Variants in RB1 observed in about 807,000 individuals in gnomAD.
The protein encoded by RB1 is RB transcriptional corepressor 1.
Under a neutral mutation model 135.4 loss-of-function variants are expected in RB1, and 18 were observed. The ratio of observed to expected loss-of-function variants is 0.13; its 90% CI spans 0.09 to 0.20. The LOEUF (loss-of-function observed/expected upper bound fraction) is 0.20, where lower values mean the gene tolerates loss of function less well. Ranked by LOEUF, RB1 falls within the 10% of genes least tolerant of loss-of-function variation. The probability of loss-of-function intolerance (pLI) is 1.00; values close to 1 mark genes in which losing one functional copy is unlikely to be tolerated. For synonymous variants in RB1, 365 were observed against 373.2 expected, an observed-to-expected ratio of 0.98 and a Z score of 0.25; for missense variants, 868 against 1,110.0, an observed-to-expected ratio of 0.78 and a Z score of 3.10.
At chr13:48,383,947 C>T (rs986363038) in intron 17 of RB1, among the ~76,000 whole-genome samples, 5 of 151,868 alleles carry the variant, frequency 3.3e-5, no homozygotes, top group African/African-American at 1.2e-4. Flanking sequence ...ATTGAACATA[C>T]GCCATATGCC....
rs149557568 is a variant in RB1 at position 48,395,218 on chromosome 13, G to T, written c.1695+13775G>T. Among the ~76,000 whole-genome samples the T allele has an allele frequency of 5.5e-3, 843 of 152,200 alleles. 5 individuals are homozygous for T. The highest frequency in any genetic ancestry group is 0.01 in the Middle Eastern group (3 of 294). ...TAGCATCAACATCAACAAAAAGGACGTCCACACAGAAACCCCATTTGAAGG... is the reference window on the plus strand; with the variant it reads ...TAGCATCAACATCAACAAAAAGGACTTCCACACAGAAACCCCATTTGAAGG... On this transcript the variant is annotated intron_variant, in intron 17 of 26. Coordinates refer to ENST00000267163, the MANE Select transcript of RB1 (RefSeq NM_000321.3).
At chr13:48,352,829 T>C (rs1279321223) in intron 6 of RB1, among the ~76,000 whole-genome samples, 3 of 152,168 alleles carry the variant, frequency 2.0e-5, no homozygotes, top group Admixed American at 6.6e-5. Context: ...TCTCTTCCTA[T>C]TTGGATGCCC....
At chr13:48,419,474 G>A (rs1487584664) in intron 17 of RB1, among the ~76,000 whole-genome samples, 1 of 152,124 alleles carries the variant, frequency 6.6e-6, no homozygotes, top group African/African-American at 2.4e-5. Flanking sequence ...ACAATTAAAA[G>A]AACTAGAGAA....
intron 2 of RB1, among the ~76,000 whole-genome samples, chr13:48,328,957 AT>A (rs5803429): frequency 0.92 from 140,420 of 152,034 alleles, 65,439 homozygotes; most frequent in East Asian, 1. Flanking sequence ...TCAGTGAAGT[AT>A]TTTTTTCCTT....
chr13:48,462,179 A>G (rs541743380), intron 20 of RB1, among the ~76,000 whole-genome samples: 138 of 150,630 alleles, frequency 9.2e-4, no homozygotes, highest in African/African-American at 3.2e-3. Flanking sequence ...GCTGGAGTGC[A>G]GTGACATGAT....
intron 2 of RB1, among the ~76,000 whole-genome samples, chr13:48,321,065 C>T (rs77631359): frequency 6.6e-6 from 1 of 152,038 alleles, no homozygotes; most frequent in Non-Finnish European, 1.5e-5. Context: ...TTTATCACTC[C>T]GACGCATCCT....
At chr13:48,465,616 C>A (rs944396520) in intron 23 of RB1, among the ~76,000 whole-genome samples, 1 of 151,908 alleles carries the variant, frequency 6.6e-6, no homozygotes, top group Non-Finnish European at 1.5e-5. Context: ...ACGCAGAAGA[C>A]GGGTGATTTC....
At chr13:48,375,071 C>T (rs879236376) in intron 12 of RB1, among the ~76,000 whole-genome samples, 2 of 152,108 alleles carry the variant, frequency 1.3e-5, no homozygotes, top group African/African-American at 4.8e-5. Flanking sequence ...CTGTATAGTA[C>T]TCCATAGTGT....
At chr13:48,472,754 G>A (rs1949479821) in intron 23 of RB1, among the ~76,000 whole-genome samples, 1 of 152,022 alleles carries the variant, frequency 6.6e-6, no homozygotes, top group South Asian at 2.1e-4. Flanking sequence ...TCAAGGAATT[G>A]GAGGGCAAAA....
intron 8 of RB1, among the ~76,000 whole-genome samples, chr13:48,363,401 A>T (rs1462816282): frequency 4.0e-5 from 6 of 151,044 alleles, no homozygotes; most frequent in Non-Finnish European, 8.8e-5. Flanking sequence ...ATACATATTT[A>T]AAAAAATGAA....
intron 17 of RB1, among the ~76,000 whole-genome samples, chr13:48,387,569 TAG>T (rs912657789): frequency 6.6e-6 from 1 of 152,064 alleles, no homozygotes; most frequent in African/African-American, 2.4e-5. Flanking sequence ...GGATGATGGC[TAG>T]AGAGTATGGT....
intron 20 of RB1, among the ~76,000 whole-genome samples, chr13:48,460,994 A>G (rs1593536397): frequency 6.6e-6 from 1 of 152,286 alleles, no homozygotes; most frequent in Non-Finnish European, 1.5e-5. Context: ...AAATATATAC[A>G]TATATAGTTA....
At chr13:48,315,689 A>G (rs1593419124) in intron 2 of RB1, among the ~76,000 whole-genome samples, 1 of 152,124 alleles carries the variant, frequency 6.6e-6, no homozygotes, top group Admixed American at 6.5e-5. Context: ...ATTTTGAAGT[A>G]TGTTCCTTCA....
intron 17 of RB1, among the ~76,000 whole-genome samples, chr13:48,432,842 C>T (rs1169098713): frequency 6.6e-6 from 1 of 151,884 alleles, no homozygotes; most frequent in African/African-American, 2.4e-5. Context: ...TTATAAGAGA[C>T]AGAATAAAAT....
At chr13:48,320,221 A>C (rs1566179398) in intron 2 of RB1, 3 of 1,047,294 alleles carry the variant, frequency 2.9e-6, no homozygotes, top group East Asian at 2.5e-5. Context: ...CTCCTTGTGC[A>C]CGGTGGGCTT....
At chr13:48,372,433 G>A (rs981080295) in intron 11 of RB1, among the ~76,000 whole-genome samples, 3 of 152,102 alleles carry the variant, frequency 2.0e-5, no homozygotes, top group African/African-American at 4.8e-5. Context: ...CAAGGTGGGC[G>A]GATCACCTGA....
chr13:48,382,486 T>C (rs1455744708), intron 17 of RB1, among the ~76,000 whole-genome samples: 1 of 152,234 alleles, frequency 6.6e-6, no homozygotes, highest in Admixed American at 6.5e-5. Context: ...TTTGGCTGCA[T>C]AAATGTCTTC....
intron 2 of RB1, chr13:48,316,898 C>T (rs898324458): frequency 5.7e-6 from 2 of 348,404 alleles, no homozygotes; most frequent in South Asian, 4.2e-5. Context: ...CCTCCGTGCG[C>T]GGAGTGTCGC....
intron 2 of RB1, among the ~76,000 whole-genome samples, chr13:48,331,418 C>T (rs1414183664): frequency 6.6e-6 from 1 of 152,196 alleles, no homozygotes; most frequent in African/African-American, 2.4e-5. Context: ...CCTGAGGCCT[C>T]TGCCTTTATG....
Sources: gnomAD v4.1 joint callset for allele counts (sites outside exome capture counted in the v4.1 genomes callset) on GRCh38, gnomAD v4.1.1 for gene constraint, MANE v1.5 for transcripts, NCBI Gene and HGNC (gene_info 2026-07-23, HGNC 2026-07-21) for gene names.